ASAH2B: variants seen among roughly 807,000 people sequenced by gnomAD.
The protein encoded by ASAH2B is putative inactive neutral ceramidase B.
ASAH2B carries 1 observed loss-of-function variant against 2.9 expected under a neutral mutation model. The observed-to-expected ratio is 0.34, with a 90% confidence interval of 0.12 to 1.63. ASAH2B has a LOEUF of 1.63. ASAH2B is among the 40% of genes most tolerant of loss of function. The pLI is 0.36. For synonymous variants in ASAH2B, 4 were observed against 13.3 expected (o/e 0.30, Z 1.52); for missense variants, 9 against 37.7 (o/e 0.24, Z 1.99).
At chr10:50,744,842 A>T (rs1839883986) in intron 2 of ASAH2B, 1 of 440,054 alleles carries the variant, frequency 2.3e-6, no homozygotes, top group East Asian at 4.3e-5. Context: ...ATTTGAAAGT[A>T]TGCTTCCAAC....
At chr10:50,740,406 C>G (rs1839811137) in intron 1 of ASAH2B, among the ~76,000 whole-genome samples, 1 of 152,170 alleles carries the variant, frequency 6.6e-6, no homozygotes, top group African/African-American at 2.4e-5. Flanking sequence ...TTCCTAGTGC[C>G]CAGCTCTCCT....
At chr10:50,743,072 G>A in intron 2 of ASAH2B, 62 bp downstream of exon 2, 1 of 1,552,452 alleles carries the variant, frequency 6.4e-7, no homozygotes, top group Admixed American at 1.7e-5. Context: ...GTCTGTATGT[G>A]TCTGTGTCTG....
Position 50,759,146 on chromosome 10 carries a change from T to C in ASAH2B, c.*4406T>C, listed in dbSNP as rs572959695. 20 of 124,446 alleles carry C rather than the reference T, an allele frequency of 1.6e-4. No individual in the cohort carries two copies. The South Asian group carries it at 3.0e-3, about 19-fold the overall frequency. The allele number at this position is 124,446 out of a possible 1,614,324, so 7.7% of individuals were successfully genotyped here. On this transcript the variant is annotated 3_prime_UTR_variant, in exon 6 of 6. Transcript: ENST00000647317. ...CAGCACCAAACTTTACCTTCATAAA[T>C]AGCAATTTGGTTTTATACTTGTATT...
At position 50,757,830 on chromosome 10, in the gene ASAH2B, A is replaced by G. The variant is rs1837127433; in HGVS notation, c.*3090A>G. 1 of 151,686 alleles carries G rather than the reference A, an allele frequency of 6.6e-6. No individual in the cohort carries two copies. The highest frequency in any genetic ancestry group is 2.1e-4 in the South Asian group (1 of 4,824). The allele number at this position is 151,686 out of a possible 1,614,324, so 9.4% of individuals were successfully genotyped here. A position where few individuals can be genotyped will look rare whatever the true frequency, so the allele number is the denominator to read the frequency against. ...CAGAAAATATTCCTGATCAACATGCATCCAAACACTAAAGACATTTATAAC... is the reference window on the plus strand; with the variant it reads ...CAGAAAATATTCCTGATCAACATGCGTCCAAACACTAAAGACATTTATAAC... On this transcript the variant is annotated 3_prime_UTR_variant, in exon 6 of 6. Transcript: ENST00000647317.
intron 2 of ASAH2B, among the ~76,000 whole-genome samples, chr10:50,744,526 T>C (rs1839879541): frequency 6.6e-6 from 1 of 151,664 alleles, no homozygotes; most frequent in Non-Finnish European, 1.5e-5. Flanking sequence ...CAATTACTTT[T>C]GTACCAACCT....
At chr10:50,743,200 A>G (rs1839859244) in intron 2 of ASAH2B, among the ~76,000 whole-genome samples, 190 bp downstream of exon 2, 1 of 152,096 alleles carries the variant, frequency 6.6e-6, no homozygotes, top group Admixed American at 6.6e-5. Context: ...TTTCTTTCCC[A>G]ATTTTGGATC....
intron 3 of ASAH2B, among the ~76,000 whole-genome samples, chr10:50,748,957 A>G (rs1030951597): frequency 3.9e-5 from 6 of 152,010 alleles, no homozygotes; most frequent in Non-Finnish European, 7.4e-5. Context: ...AAGCTTAACT[A>G]TAAATGTAAG....
intron 1 of ASAH2B, 145 bp from the exon 2 acceptor site, chr10:50,742,770 C>G: frequency 1.3e-6 from 1 of 775,708 alleles, no homozygotes; most frequent in East Asian, 2.5e-5. Flanking sequence ...AATGCCCATC[C>G]TCTTTTGTCA....
Position 50,757,167 on chromosome 10 carries a change from AT to A in ASAH2B, c.*2429del. ...TATTCAATGGATTATTTAATAATAA[AT>A]TAAGAATTACACTCATAAAAGTATT... On this transcript the variant is annotated 3_prime_UTR_variant, in exon 6 of 6. Coordinates refer to ENST00000647317, the MANE Select transcript of ASAH2B (RefSeq NM_001321958.2). 1 of 151,690 alleles carries A rather than the reference AT, an allele frequency of 6.6e-6. No homozygotes were observed. The highest frequency in any genetic ancestry group is 3.4e-3 in the Middle Eastern group (1 of 294). The allele number at this position is 151,690 out of a possible 1,614,324, so 9.4% of individuals were successfully genotyped here.
intron 1 of ASAH2B, among the ~76,000 whole-genome samples, chr10:50,740,545 G>T (rs34830433): frequency 6.6e-5 from 10 of 152,320 alleles, no homozygotes; most frequent in African/African-American, 2.4e-4. Flanking sequence ...CAGCCTTGCA[G>T]TGTATCCCTT....
chr10:50,757,536 A>G lies in ASAH2B; in HGVS notation c.*2796A>G, dbSNP rs1837120952. 1 of 146,420 alleles carries G rather than the reference A, an allele frequency of 6.8e-6. No homozygotes were observed. Among genetic ancestry groups the G allele is most frequent in the Non-Finnish European group, 1.5e-5 (1 of 65,628 alleles). 9.1% of individuals were successfully genotyped at this position (146,420 alleles called of 1,614,324 possible). The stretch of plus-strand genomic sequence containing the variant: ...ATTTACTTATGAATGTCCTTTTCTA[A>G]TGTGCCCTCTTATGCTTCTCCTCCA... On this transcript the variant is annotated 3_prime_UTR_variant, in exon 6 of 6. Transcript: ENST00000647317.
In ASAH2B at chr10:50,757,101, C is replaced by T. The variant is rs974429499; in HGVS notation, c.*2361C>T. On this transcript the variant is annotated 3_prime_UTR_variant, in exon 6 of 6. Coordinates refer to ENST00000647317, the MANE Select transcript of ASAH2B (RefSeq NM_001321958.2). ...GAAAAGCACTGAATAATCTCTTTGC[C>T]GGGTCTAGATTTTTTGATGAGTACT... The T allele has an allele frequency of 4.6e-5, 7 of 151,376 alleles. No homozygotes were observed. The highest frequency in any genetic ancestry group is 1.3e-4 in the Admixed American group (2 of 15,154). The allele number at this position is 151,376 out of a possible 1,614,324, so 9.4% of individuals were successfully genotyped here.
rs1455689083 is a variant in ASAH2B at position 50,756,178 on chromosome 10, C to G, written c.*1438C>G. 1.3e-5 allele frequency: 2 copies of G among 150,656 alleles called. No homozygotes were observed. Among genetic ancestry groups the G allele is most frequent in the Admixed American group, 6.7e-5 (1 of 14,898 alleles). The allele number at this position is 150,656 out of a possible 1,614,324, so 9.3% of individuals were successfully genotyped here. A position where few individuals can be genotyped will look rare whatever the true frequency, so the allele number is the denominator to read the frequency against. ...TAGCATTTTAGGGAAAAAAATCAAT[C>G]TGTATTTCAAAAATAAACTTTGAGG... On this transcript the variant is annotated 3_prime_UTR_variant, in exon 6 of 6. Transcript: ENST00000647317.
intron 3 of ASAH2B, among the ~76,000 whole-genome samples, chr10:50,747,425 A>G (rs190618911): frequency 0.031 from 4,627 of 151,120 alleles, 151 homozygotes; most frequent in African/African-American, 0.1. Flanking sequence ...GTTGTGTGGT[A>G]CCTTCATCTT....
In ASAH2B at chr10:50,742,938, G is replaced by A. The variant is rs551101710; in HGVS notation, c.-76G>A. On this transcript the variant is annotated 5_prime_UTR_variant, in exon 2 of 6. Coordinates refer to ENST00000647317, the MANE Select transcript of ASAH2B (RefSeq NM_001321958.2). ...AGGCTCAGCGATATGAGGCAGCATC[G>A]ACAATTTATGGACCGCACGCATTAT... The A allele has an allele frequency of 1.5e-5, 24 of 1,613,968 alleles. No individual in the cohort carries two copies. The East Asian group carries it at 4.0e-4, about 27-fold the overall frequency.
At chr10:50,754,391 T>C (rs1174826124) in intron 5 of ASAH2B, among the ~76,000 whole-genome samples, 160 bp from the exon 6 acceptor site, 2 of 116,586 alleles carry the variant, frequency 1.7e-5, no homozygotes, top group Non-Finnish European at 3.5e-5. Flanking sequence ...GACGTTTTTG[T>C]CTGTTTTGTT....
chr10:50,756,670 G>C lies in ASAH2B; in HGVS notation c.*1930G>C, dbSNP rs868653689. 7.2e-5 allele frequency: 11 copies of C among 152,034 alleles called. No individual in the cohort carries two copies. Among genetic ancestry groups the C allele is most frequent in the African/African-American group, 2.7e-4 (11 of 41,432 alleles). The allele number at this position is 152,034 out of a possible 1,614,324, so 9.4% of individuals were successfully genotyped here. A position where few individuals can be genotyped will look rare whatever the true frequency, so the allele number is the denominator to read the frequency against. On this transcript the variant is annotated 3_prime_UTR_variant, in exon 6 of 6. Coordinates refer to ENST00000647317, the MANE Select transcript of ASAH2B (RefSeq NM_001321958.2). ...TCATCTACTGATCCTTCTGCACCTA[G>C]CACTCTTGGCTCCAGATAACGCACA...
chr10:50,748,595 C>T (rs1420235873), intron 3 of ASAH2B, among the ~76,000 whole-genome samples: 2 of 151,318 alleles, frequency 1.3e-5, no homozygotes, highest in Non-Finnish European at 2.9e-5. Context: ...TGCATGCAAA[C>T]TTGAGGGGAG....
At chr10:50,743,329 G>T (rs1444553451) in intron 2 of ASAH2B, among the ~76,000 whole-genome samples, 4 of 151,118 alleles carry the variant, frequency 2.6e-5, no homozygotes, top group Non-Finnish European at 4.4e-5. Context: ...GAGCACATAG[G>T]CTTGAAGATA....
Sources: gnomAD v4.1 joint callset for allele counts (sites outside exome capture counted in the v4.1 genomes callset) on GRCh38, gnomAD v4.1.1 for gene constraint, MANE v1.5 for transcripts, NCBI Gene and HGNC (gene_info 2026-07-23, HGNC 2026-07-21) for gene names.